C1orf21: variants seen among roughly 807,000 people sequenced by gnomAD.
The protein encoded by C1orf21 is chromosome 1 open reading frame 21.
Under a neutral mutation model 18.7 loss-of-function variants are expected in C1orf21, and 3 were observed. The ratio of observed to expected loss-of-function variants is 0.16; its 90% CI spans 0.07 to 0.42. The LOEUF (loss-of-function observed/expected upper bound fraction) is 0.42, where lower values mean the gene tolerates loss of function less well. C1orf21 is among the 10% of genes least tolerant of loss of function. The probability of loss-of-function intolerance (pLI) is 0.99; values close to 1 mark genes in which losing one functional copy is unlikely to be tolerated. For missense variants in C1orf21, 104 were observed against 143.6 expected (o/e 0.72, Z 1.41); for synonymous variants, 41 against 46.4 (o/e 0.88, Z 0.47).
chr1:184,467,435 C>G (rs1271130509), intron 1 of C1orf21, among the ~76,000 whole-genome samples: 1 of 152,170 alleles, frequency 6.6e-6, no homozygotes, highest in East Asian at 1.9e-4. Flanking sequence ...ATAGTCTTTC[C>G]CTTTAGAGCC....
chr1:184,561,722 A>G (rs1658968080), intron 3 of C1orf21, among the ~76,000 whole-genome samples: 1 of 152,048 alleles, frequency 6.6e-6, no homozygotes, highest in Admixed American at 6.6e-5. Flanking sequence ...GGATCAAGTA[A>G]TTCTCCTGCC....
intron 2 of C1orf21, among the ~76,000 whole-genome samples, chr1:184,481,377 G>A (rs1325776102): frequency 6.6e-6 from 1 of 152,120 alleles, no homozygotes; most frequent in Non-Finnish European, 1.5e-5. Context: ...GGGCAAGTGT[G>A]CAAGTGATAC....
At chr1:184,478,842 C>G (rs1027973296) in intron 2 of C1orf21, among the ~76,000 whole-genome samples, 2 of 152,214 alleles carry the variant, frequency 1.3e-5, no homozygotes, top group Non-Finnish European at 2.9e-5. Flanking sequence ...TTCTTCAACT[C>G]TTAGTAAGGG....
At chr1:184,593,786 A>G (rs944806348) in intron 4 of C1orf21, among the ~76,000 whole-genome samples, 3 of 152,260 alleles carry the variant, frequency 2.0e-5, no homozygotes, top group Admixed American at 2.0e-4. Context: ...ACAATGGGAT[A>G]TTAGTCAGCA....
chr1:184,581,898 A>G lies in C1orf21; in HGVS notation c.190-8841A>G, dbSNP rs541308671. ...TTTAATTTATAGAAAAATAACTTCC[A>G]AAAAGCTGAGACTTTACATGCCAAC... On this transcript the variant is annotated intron_variant, in intron 3 of 5. Coordinates refer to ENST00000235307, the MANE Select transcript of C1orf21 (RefSeq NM_030806.4). Among the ~76,000 whole-genome samples, 9 of 152,398 alleles carry G rather than the reference A, an allele frequency of 5.9e-5. 1 individual carries two copies. The East Asian group carries it at 1.5e-3, about 26-fold the overall frequency.
intron 3 of C1orf21, among the ~76,000 whole-genome samples, chr1:184,551,393 A>G (rs1558000788): frequency 6.6e-6 from 1 of 152,238 alleles, no homozygotes; most frequent in Non-Finnish European, 1.5e-5. Context: ...AGTGTGAGGA[A>G]CAAAACCAAC....
intron 1 of C1orf21, among the ~76,000 whole-genome samples, chr1:184,428,489 G>T (rs1332868795): frequency 1.3e-5 from 2 of 152,130 alleles, no homozygotes; most frequent in East Asian, 3.9e-4. Flanking sequence ...GAGAGAGAAA[G>T]AACATGAAGA....
intron 5 of C1orf21, among the ~76,000 whole-genome samples, chr1:184,610,206 C>T (rs1358050604): frequency 6.6e-6 from 1 of 152,214 alleles, no homozygotes; most frequent in East Asian, 1.9e-4. Flanking sequence ...ATGTGAAAAA[C>T]AGCATGAAAT....
intron 3 of C1orf21, chr1:184,567,609 G>A: frequency 2.3e-6 from 1 of 444,240 alleles, no homozygotes; most frequent in Non-Finnish European, 4.5e-6. Flanking sequence ...CGTTGGTGGG[G>A]CAGGCAGTGG....
rs1658591180 is a variant in C1orf21 at position 184,538,293 on chromosome 1, T to C, written c.189+30611T>C. On this transcript the variant is annotated intron_variant, in intron 3 of 5. Transcript: ENST00000235307. ...GGAGAAATGTCTATTCAAGTCCTTTTCCAATCTTTCAATTTAGTTGTTTGC... is the reference window on the plus strand; with the variant it reads ...GGAGAAATGTCTATTCAAGTCCTTTCCCAATCTTTCAATTTAGTTGTTTGC... 3.9e-5 allele frequency among the ~76,000 whole-genome samples: 6 copies of C among 152,208 alleles called. No homozygotes were observed. The South Asian group carries it at 1.0e-3, about 26-fold the overall frequency.
At chr1:184,390,713 T>C (rs1418416679) in intron 1 of C1orf21, among the ~76,000 whole-genome samples, 2 of 152,174 alleles carry the variant, frequency 1.3e-5, no homozygotes, top group East Asian at 1.9e-4. Context: ...CCTTTTTTTT[T>C]CCAGCTTTAC....
intron 1 of C1orf21, among the ~76,000 whole-genome samples, chr1:184,395,193 A>G (rs1656032373): frequency 1.3e-5 from 2 of 152,174 alleles, no homozygotes; most frequent in Middle Eastern, 6.8e-3. Flanking sequence ...TTTATTATAT[A>G]TATTTTTGTC....
chr1:184,427,282 C>T (rs1257015142), intron 1 of C1orf21, among the ~76,000 whole-genome samples: 1 of 152,188 alleles, frequency 6.6e-6, no homozygotes, highest in African/African-American at 2.4e-5. Context: ...TGACAGAAAT[C>T]TCTCTACTGG....
At chr1:184,445,538 G>C (rs767016415) in intron 1 of C1orf21, among the ~76,000 whole-genome samples, 1 of 143,104 alleles carries the variant, frequency 7.0e-6, no homozygotes, top group Non-Finnish European at 1.5e-5. Context: ...TTTGTTTTTA[G>C]AGCTGGAGTT....
At chr1:184,587,283 G>A (rs1571290675) in intron 3 of C1orf21, among the ~76,000 whole-genome samples, 1 of 107,952 alleles carries the variant, frequency 9.3e-6, no homozygotes, top group African/African-American at 3.7e-5. Flanking sequence ...TTTTTTTTTC[G>A]GTTCCATGTG....
At chr1:184,445,389 TC>T (rs1285272805) in intron 1 of C1orf21, among the ~76,000 whole-genome samples, 1 of 149,744 alleles carries the variant, frequency 6.7e-6, no homozygotes, top group East Asian at 2.0e-4. Context: ...GGAGCTGCTC[TC>T]CTTCTCCTTT....
chr1:184,606,777 T>G (rs1659652509), intron 5 of C1orf21, among the ~76,000 whole-genome samples: 1 of 152,136 alleles, frequency 6.6e-6, no homozygotes, highest in Admixed American at 6.5e-5. Context: ...TGAGGAATGA[T>G]AAAATAGGAT....
chr1:184,392,497 A>G (rs537643077), intron 1 of C1orf21, among the ~76,000 whole-genome samples: 3 of 152,220 alleles, frequency 2.0e-5, no homozygotes, highest in Non-Finnish European at 1.5e-5. Flanking sequence ...CACAATGTAC[A>G]CTATTTGGGT....
chr1:184,541,417 G>A (rs748471136), intron 3 of C1orf21, among the ~76,000 whole-genome samples: 2 of 151,986 alleles, frequency 1.3e-5, no homozygotes, highest in Admixed American at 6.6e-5. Flanking sequence ...CCTTGACCTC[G>A]CCATCTACCA....
Sources: gnomAD v4.1 joint callset for allele counts (sites outside exome capture counted in the v4.1 genomes callset) on GRCh38, gnomAD v4.1.1 for gene constraint, MANE v1.5 for transcripts, NCBI Gene and HGNC (gene_info 2026-07-23, HGNC 2026-07-21) for gene names.